CACNA1B: variants seen among roughly 807,000 people sequenced by gnomAD.
CACNA1B encodes voltage-dependent N-type calcium channel subunit alpha-1B.
In CACNA1B, 70 loss-of-function variants were observed where a neutral mutation model predicts 247.2. The observed-to-expected ratio is 0.28, with a 90% CI of 0.23 to 0.35. The LOEUF (loss-of-function observed/expected upper bound fraction) is 0.35, where lower values mean the gene tolerates loss of function less well. Ranked by LOEUF, CACNA1B falls within the 10% of genes least tolerant of loss-of-function variation. CACNA1B has a pLI of 1.00. For missense variants in CACNA1B, 2,367 were observed against 3,197.4 expected (o/e 0.74, Z 6.26); for synonymous variants, 1,231 against 1,294.4 (o/e 0.95, Z 1.05).
In CACNA1B at chr9:138,120,328, G is replaced by A. The variant is rs1962040581; in HGVS notation, c.6194G>A (p.Arg2065Lys). ...RCHRRRDRKQRSLEKGPSLSA... is the reference protein window; with the variant it reads ...RCHRRRDRKQKSLEKGPSLSA... ...CACCGCCGCAGGGACAGGAAGCAGA[G>A]GTCCCTGGAGAAGGGGCCCAGCCTG... Residue 2065 changes from arginine to lysine, a missense_variant, in exon 45 of 47, where the codon AGG becomes AAG. By Grantham distance (26) the Arg-to-Lys change is conservative (BLOSUM62 2). This residue lies in a region of CACNA1B where 773 missense variants were observed against 779.4 expected (regional missense o/e 0.99). Transcript: ENST00000371372. 1 of 1,561,760 alleles carries A rather than the reference G, an allele frequency of 6.4e-7. No homozygotes were observed. Among genetic ancestry groups the A allele is most frequent in the Non-Finnish European group, 8.6e-7 (1 of 1,158,994 alleles).
rs563434869 is a variant in CACNA1B at position 138,123,674 on chromosome 9, C to G, written c.*1675C>G. The G allele has an allele frequency of 1.3e-5, 2 of 151,904 alleles. No individual in the cohort carries two copies. The highest frequency in any genetic ancestry group is 4.8e-5 in the African/African-American group (2 of 41,434). 9.4% of individuals were successfully genotyped at this position (151,904 alleles called of 1,614,324 possible). A position where few individuals can be genotyped will look rare whatever the true frequency, so the allele number is the denominator to read the frequency against. The stretch of plus-strand genomic sequence containing the variant: ...CCATAGGGCTATGCAACAAAAGACA[C>G]ATTTAATAGAAGTAAAACACACAAG... On this transcript the variant is annotated 3_prime_UTR_variant, in exon 47 of 47. Transcript: ENST00000371372.
At chr9:137,980,813 C>G (rs1306383885) in intron 12 of CACNA1B, among the ~76,000 whole-genome samples, 13 of 152,316 alleles carry the variant, frequency 8.5e-5, no homozygotes, top group African/African-American at 2.6e-4. Flanking sequence ...CTGGCCACAT[C>G]CATATTACTG....
chr9:138,061,984 G>A (rs1443991713), intron 31 of CACNA1B, among the ~76,000 whole-genome samples: 1 of 152,234 alleles, frequency 6.6e-6, no homozygotes, highest in African/African-American at 2.4e-5. Flanking sequence ...GGCTGGTGAG[G>A]ACAGAGGCTA....
In CACNA1B at chr9:138,050,186, C is replaced by G. The variant is rs1959228460; in HGVS notation, c.3710+871C>G. The stretch of plus-strand genomic sequence containing the variant: ...TCCAGCCTCACCCCCCGCCCATCCA[C>G]TTTCACCCCATCGGGGCTGCATGCT... On this transcript the variant is annotated intron_variant, in intron 24 of 46. Transcript: ENST00000371372. This position sits in a 1 kb window ranked among gnomAD's most constrained non-coding sequence, Gnocchi z 5.2. 1.1e-6 allele frequency: 1 copy of G among 889,670 alleles called. No homozygotes were observed. The highest frequency in any genetic ancestry group is 1.6e-6 in the Non-Finnish European group (1 of 624,842). 55.1% of individuals were successfully genotyped at this position (889,670 alleles called of 1,614,324 possible). A position where few individuals can be genotyped will look rare whatever the true frequency, so the allele number is the denominator to read the frequency against.
intron 20 of CACNA1B, among the ~76,000 whole-genome samples, chr9:138,038,098 C>G (rs781269583): frequency 2.6e-5 from 4 of 151,998 alleles, no homozygotes; most frequent in Non-Finnish European, 5.9e-5. Flanking sequence ...GAATCAATGC[C>G]CTATTAACAA....
chr9:138,120,405 G>A (rs201607548), intron 45 of CACNA1B, 33 bp downstream of exon 45: 3 of 1,521,704 alleles, frequency 2.0e-6, no homozygotes, highest in African/African-American at 1.4e-5. Context: ...AGTCCTTCGG[G>A]GAGCTATGGC....
intron 15 of CACNA1B, among the ~76,000 whole-genome samples, chr9:137,989,176 G>T (rs919882971): frequency 1.3e-5 from 2 of 152,184 alleles, no homozygotes; most frequent in Non-Finnish European, 2.9e-5. Context: ...GGGTAAAGGG[G>T]GAACCAGTTA....
intron 39 of CACNA1B, among the ~76,000 whole-genome samples, chr9:138,106,358 T>C (rs1300965264): frequency 6.6e-6 from 1 of 152,034 alleles, no homozygotes; most frequent in East Asian, 1.9e-4. Context: ...TCCTGCTTTG[T>C]GTGCCAAGCC....
Position 138,052,038 on chromosome 9 carries a change from G to C in CACNA1B, c.3711-54G>C. On this transcript the variant is annotated intron_variant, in intron 24 of 46. Transcript: ENST00000371372. The surrounding 1 kb of genome is among the most constrained non-coding windows in gnomAD (Gnocchi z 5.1). ...TCAGACCCTGGGGGGCCACGTGGGA[G>C]CTGGGCACACCCATGCCTCCTGCCT... 1 of 1,045,088 alleles carries C rather than the reference G, an allele frequency of 9.6e-7. No homozygotes were observed. The highest frequency in any genetic ancestry group is 1.5e-6 in the Non-Finnish European group (1 of 674,656). 64.7% of individuals were successfully genotyped at this position (1,045,088 alleles called of 1,614,324 possible).
chr9:137,970,111 G>T (rs983086836), intron 10 of CACNA1B, among the ~76,000 whole-genome samples: 4 of 152,190 alleles, frequency 2.6e-5, no homozygotes, highest in African/African-American at 9.6e-5. Context: ...GCTCTTTTGT[G>T]CCACTGAGAA....
intron 31 of CACNA1B, among the ~76,000 whole-genome samples, chr9:138,061,229 C>A (rs900504066): frequency 1.5e-4 from 23 of 152,290 alleles, no homozygotes; most frequent in Middle Eastern, 3.4e-3. Context: ...TGCCTGCTGG[C>A]CTTCTGGCAC....
intron 15 of CACNA1B, among the ~76,000 whole-genome samples, chr9:138,002,043 T>C (rs1313456417): frequency 1.3e-5 from 2 of 152,204 alleles, no homozygotes; most frequent in African/African-American, 2.4e-5. Context: ...GAATTCAGCA[T>C]ATTGATTATA....
intron 31 of CACNA1B, among the ~76,000 whole-genome samples, chr9:138,060,119 C>T (rs1278278484): frequency 6.6e-6 from 1 of 151,950 alleles, no homozygotes; most frequent in African/African-American, 2.4e-5. Context: ...TTGCCCCCCA[C>T]CGTCTCTCTA....
At chr9:137,935,223 C>T (rs1483285936) in intron 6 of CACNA1B, among the ~76,000 whole-genome samples, 1 of 152,098 alleles carries the variant, frequency 6.6e-6, no homozygotes, top group African/African-American at 2.4e-5. Flanking sequence ...ATTTACATTA[C>T]ATATTTCTCC....
Position 137,900,195 on chromosome 9 carries a change from G to C in CACNA1B, c.531-12985G>C, listed in dbSNP as rs530914993. 5.9e-5 allele frequency among the ~76,000 whole-genome samples: 9 copies of C among 152,280 alleles called. No homozygotes were observed. The East Asian group carries it at 1.7e-3, about 29-fold the overall frequency. On this transcript the variant is annotated intron_variant, in intron 3 of 46. Coordinates refer to ENST00000371372, the MANE Select transcript of CACNA1B (RefSeq NM_000718.4). The stretch of plus-strand genomic sequence containing the variant: ...AAGGCAGGGTGCCCCCCTGGCCCAC[G>C]CGGAGGGTGTGTGAGGTGCCCCCCT...
intron 15 of CACNA1B, among the ~76,000 whole-genome samples, chr9:138,004,199 G>A (rs1238693110): frequency 6.6e-6 from 1 of 152,108 alleles, no homozygotes; most frequent in African/African-American, 2.4e-5. Context: ...AGGAAAATAG[G>A]TAAATGGAAG....
chr9:138,010,966 C>G lies in CACNA1B; in HGVS notation c.2160+889C>G, dbSNP rs898350790. ...GCTGTGCAGGTGCCCCTGCTCCCCC[C>G]AGCCGAGCTCTCCAGGAGGGGGGTG... On this transcript the variant is annotated intron_variant, in intron 17 of 46. Coordinates refer to ENST00000371372, the MANE Select transcript of CACNA1B (RefSeq NM_000718.4). This position sits in a 1 kb window ranked among gnomAD's most constrained non-coding sequence, Gnocchi z 5.3. Among the ~76,000 whole-genome samples the G allele has an allele frequency of 6.6e-6, 1 of 152,214 alleles. No individual in the cohort carries two copies. The highest frequency in any genetic ancestry group is 1.5e-5 in the Non-Finnish European group (1 of 68,034).
Position 137,891,371 on chromosome 9 carries a change from C to T in CACNA1B, c.530+8488C>T, listed in dbSNP as rs140049497. On this transcript the variant is annotated intron_variant, in intron 3 of 46. Coordinates refer to ENST00000371372, the MANE Select transcript of CACNA1B (RefSeq NM_000718.4). This position sits in a 1 kb window ranked among gnomAD's most constrained non-coding sequence, Gnocchi z 4.3. ...TCCTGGGGGCTGGCCTGTTCGAAGC[C>T]GTCCGTGGCCTCCGGTCCAGGCTCG... 463 of 152,880 alleles carry T rather than the reference C, an allele frequency of 3.0e-3. 1 individual carries two copies. The highest frequency in any genetic ancestry group is 9.2e-3 in the African/African-American group (382 of 41,572). 9.5% of individuals were successfully genotyped at this position (152,880 alleles called of 1,614,324 possible).
intron 6 of CACNA1B, among the ~76,000 whole-genome samples, chr9:137,937,529 G>A (rs1957681896): frequency 6.6e-6 from 1 of 152,138 alleles, no homozygotes; most frequent in African/African-American, 2.4e-5. Flanking sequence ...AAATAATCAA[G>A]GAAAACTTCC....
Sources: allele counts gnomAD v4.1 joint callset (sites outside exome capture counted in the v4.1 genomes callset), GRCh38; gene constraint gnomAD v4.1.1; regional missense constraint gnomAD v4.1.1; non-coding constraint Gnocchi (gnomAD v3.1); transcripts MANE v1.5; gene names NCBI Gene and HGNC (gene_info 2026-07-23, HGNC 2026-07-21).